The following HPR variants were observed in gnomAD, a reference collection of about 807,000 sequenced individuals.
HPR encodes Haptoglobin-related locus.
HPR carries 17 observed loss-of-function variants against 18.5 expected under a neutral mutation model. That is an observed-to-expected ratio of 0.92 (90% CI 0.63 to 1.38). The LOEUF is 1.38. Among genes scored for constraint, HPR ranks in the 40% most tolerant of loss-of-function variants. The probability of loss-of-function intolerance (pLI) is 0.00; values close to 1 mark genes in which losing one functional copy is unlikely to be tolerated. For synonymous variants in HPR, 176 were observed against 165.0 expected (o/e 1.07, Z -0.51); for missense variants, 457 against 432.4 (o/e 1.06, Z -0.51).
chr16:72,063,538 A>C (rs1276197875), intron 1 of HPR, among the ~76,000 whole-genome samples: 1 of 152,102 alleles, frequency 6.6e-6, no homozygotes, highest in African/African-American at 2.4e-5. Flanking sequence ...CTCCCGTGGT[A>C]GGCTTCCTGG....
intron 3 of HPR, chr16:72,074,833 G>A: frequency 3.1e-6 from 2 of 646,552 alleles, no homozygotes; most frequent in Non-Finnish European, 5.6e-6. Flanking sequence ...CCGACAGGTT[G>A]AGTATCTTGC....
rs766667403 is a variant in HPR, at chr16:72,075,037, C to T, written c.194-108C>T. 2.3e-5 allele frequency: 26 copies of T among 1,109,038 alleles called. 1 individual carries two copies. The Middle Eastern group carries it at 3.7e-3, about 159-fold the overall frequency. 68.7% of individuals were successfully genotyped at this position (1,109,038 alleles called of 1,614,324 possible). A position where few individuals can be genotyped will look rare whatever the true frequency, so the allele number is the denominator to read the frequency against. ...TCTCTCCTTTCTCCCTTCCTGTCTG[C>T]CTCCTTTCTTCTTCTTCTTTTTAAT... On this transcript the variant is annotated intron_variant, in intron 3 of 4. Transcript: ENST00000540303.
intron 1 of HPR, among the ~76,000 whole-genome samples, chr16:72,070,139 A>T (rs1354634310): frequency 6.6e-6 from 1 of 152,236 alleles, no homozygotes; most frequent in Non-Finnish European, 1.5e-5. Context: ...CTTGATTGCC[A>T]TGGACTAAAT....
chr16:72,071,655 A>G (rs1298370209), intron 1 of HPR, among the ~76,000 whole-genome samples: 1 of 152,218 alleles, frequency 6.6e-6, no homozygotes, highest in Non-Finnish European at 1.5e-5. Context: ...GAGCTTACCC[A>G]TCAGTCTGCC....
chr16:72,065,196 G>A (rs1408829460), intron 1 of HPR, among the ~76,000 whole-genome samples: 7 of 152,140 alleles, frequency 4.6e-5, no homozygotes, highest in African/African-American at 1.2e-4. Flanking sequence ...AATGCTAAGC[G>A]GGACTTAAAA....
rs2041722760 is a variant in HPR, at chr16:72,076,314, C to T, written c.280C>T (p.Pro94Ser). 32 of 1,613,310 alleles carry T rather than the reference C, an allele frequency of 2.0e-5. No individual in the cohort carries two copies. Among genetic ancestry groups the T allele is most frequent in the Non-Finnish European group, 2.5e-5 (29 of 1,179,636 alleles). Reference sequence around the variant, plus strand: ...GCTCTCCTTGACAGTATGTGGGAAGCCCAAGAATCCGGCAAACCCAGTGCA... The same window carrying T: ...GCTCTCCTTGACAGTATGTGGGAAGTCCAAGAATCCGGCAAACCCAGTGCA... Reference protein sequence around the residue: ...LPECEAVCGKPKNPANPVQRI... With the variant: ...LPECEAVCGKSKNPANPVQRI... Residue 94 changes from proline (P) to serine (S), a missense_variant, in exon 5 of 5, where the codon CCC becomes TCC. Transcript: ENST00000540303.
Position 72,075,200 on chromosome 16 carries a change from A to T in HPR, c.249A>T (p.Lys83Asn). The change falls in exon 4 of 5, where the codon AAA (lysine) becomes AAT (asparagine). Residue 83 changes from lysine to asparagine, a missense_variant. Transcript: ENST00000540303. Reference protein sequence around the residue: ...KQWINKAVGDKLPECEAVCGK... With the variant: ...KQWINKAVGDNLPECEAVCGK... Reference sequence around the variant, plus strand: ...GGATAAATAAGGCTGTTGGAGATAAACTTCCTGAATGTGAAGCAGGTGGGT... The same window carrying T: ...GGATAAATAAGGCTGTTGGAGATAATCTTCCTGAATGTGAAGCAGGTGGGT... 6.8e-7 allele frequency: 1 copy of T among 1,476,012 alleles called. No homozygotes were observed. The highest frequency in any genetic ancestry group is 2.5e-5 in the East Asian group (1 of 40,796). The allele number at this position is 1,476,012 out of a possible 1,614,324, so 91.4% of individuals were successfully genotyped here.
chr16:72,074,506 T>C, intron 3 of HPR, 121 bp downstream of exon 3: 1 of 899,918 alleles, frequency 1.1e-6, no homozygotes, highest in Non-Finnish European at 1.9e-6. Flanking sequence ...CCAGGAGATT[T>C]AGATTCTGAT....
chr16:72,074,199 G>A, intron 2 of HPR, 85 bp from the exon 3 acceptor site: 1 of 1,318,946 alleles, frequency 7.6e-7, no homozygotes, highest in Middle Eastern at 2.0e-4. Context: ...TTGATGTGCA[G>A]AGCAGCTTCC....
At chr16:72,063,720 T>C (rs189948810) in intron 1 of HPR, among the ~76,000 whole-genome samples, 1 of 152,250 alleles carries the variant, frequency 6.6e-6, no homozygotes, top group East Asian at 1.9e-4. Flanking sequence ...AAAAAGACTT[T>C]TTGAAATGTT....
At chr16:72,064,672 T>C (rs1462741665) in intron 1 of HPR, among the ~76,000 whole-genome samples, 1 of 152,240 alleles carries the variant, frequency 6.6e-6, no homozygotes, top group East Asian at 1.9e-4. Flanking sequence ...CAACCAGACT[T>C]ACCAGGAGCT....
At chr16:72,074,448 G>A in intron 3 of HPR, 63 bp downstream of exon 3, 7 of 1,366,722 alleles carry the variant, frequency 5.1e-6, no homozygotes, top group Non-Finnish European at 7.3e-6. Context: ...TTTCCATGAT[G>A]GGTGGTGCTG....
intron 1 of HPR, among the ~76,000 whole-genome samples, chr16:72,073,050 C>G (rs1439857207): frequency 1.3e-5 from 2 of 152,098 alleles, no homozygotes; most frequent in Admixed American, 1.3e-4. Flanking sequence ...GTGAATTACC[C>G]CTCCCATCAC....
Position 72,075,157 on chromosome 16 carries a change from T to C in HPR, c.206T>C (p.Leu69Ser). 1 of 1,333,580 alleles carries C rather than the reference T, an allele frequency of 7.5e-7. No individual in the cohort carries two copies. Among genetic ancestry groups the C allele is most frequent in the East Asian group, 2.5e-5 (1 of 39,998 alleles). The allele number at this position is 1,333,580 out of a possible 1,614,324, so 82.6% of individuals were successfully genotyped here. The change falls in exon 4 of 5, where the codon TTA (leucine) becomes TCA (serine). Residue 69 changes from leucine to serine, a missense_variant. By Grantham distance (145) the Leu-to-Ser change is moderately radical. Coordinates refer to ENST00000540303, the MANE Select transcript of HPR (RefSeq NM_020995.4). Reference protein sequence around the residue: ...LRTEGDGVYTLNDKKQWINKA... With the variant: ...LRTEGDGVYTSNDKKQWINKA... ...CCTTTTGTTTCAGGAGTATACACCTTAAATGATAAGAAGCAGTGGATAAAT... is the reference window on the plus strand; with the variant it reads ...CCTTTTGTTTCAGGAGTATACACCTCAAATGATAAGAAGCAGTGGATAAAT...
chr16:72,064,119 C>T (rs1381051399), intron 1 of HPR, among the ~76,000 whole-genome samples: 8 of 152,156 alleles, frequency 5.3e-5, no homozygotes, highest in Non-Finnish European at 1.2e-4. Context: ...CAGATGGCGC[C>T]TGTGTGTCAA....
At chr16:72,063,878 G>A (rs1164761601) in intron 1 of HPR, among the ~76,000 whole-genome samples, 3 of 152,012 alleles carry the variant, frequency 2.0e-5, no homozygotes, top group Admixed American at 6.6e-5. Context: ...AAGTAGCTAG[G>A]ACTACAGGCG....
chr16:72,074,049 G>A, intron 2 of HPR, 72 bp downstream of exon 2: 11 of 1,588,734 alleles, frequency 6.9e-6, no homozygotes, highest in Non-Finnish European at 9.5e-6. Flanking sequence ...TCTCGGGTCT[G>A]CATTCTTTCT....
At chr16:72,069,171 G>C (rs2041629311) in intron 1 of HPR, among the ~76,000 whole-genome samples, 1 of 152,106 alleles carries the variant, frequency 6.6e-6, no homozygotes. Context: ...CATCTATACT[G>C]ATTCTAAGTA....
intron 1 of HPR, among the ~76,000 whole-genome samples, chr16:72,066,404 C>A (rs867339047): frequency 6.6e-6 from 1 of 152,136 alleles, no homozygotes; most frequent in Admixed American, 6.5e-5. Context: ...AACATGAACA[C>A]CCTCCTGGTC....
Sources: allele counts gnomAD v4.1 joint callset (sites outside exome capture counted in the v4.1 genomes callset), GRCh38; gene constraint gnomAD v4.1.1; transcripts MANE v1.5; gene names NCBI Gene and HGNC (gene_info 2026-07-23, HGNC 2026-07-21).